The following UBE2V1 variants were observed in gnomAD, a reference collection of about 807,000 sequenced individuals.
UBE2V1 encodes ubiquitin conjugating enzyme E2 V1, also known as ubiquitin-conjugating enzyme E2 variant 1.
In UBE2V1, 15 loss-of-function variants were observed where a neutral mutation model predicts 19.6. That is an observed-to-expected ratio of 0.77 (90% confidence interval 0.51 to 1.18). UBE2V1 has a LOEUF of 1.18. Ranked by LOEUF, UBE2V1 falls within the 50% of genes most tolerant of loss-of-function variation. The pLI, the probability that UBE2V1 is intolerant of heterozygous loss-of-function variation, is 0.00. For synonymous variants in UBE2V1, 60 were observed against 60.7 expected, an observed-to-expected ratio of 0.99 and a Z score of 0.05; for missense variants, 125 against 184.8, an observed-to-expected ratio of 0.68 and a Z score of 1.88.
At position 50,081,677 on chromosome 20, in the gene UBE2V1, A is replaced by C. The variant is rs1373645674; in HGVS notation, c.*1091T>G. On this transcript the variant is annotated 3_prime_UTR_variant, in exon 4 of 4. Transcript: ENST00000371674. ...TGTTTAAAACTTCTTCAATTTTTAA[A>C]AGCAAAAGCAGTTACAGGAAAGTAA... 5.3e-6 allele frequency: 1 copy of C among 188,036 alleles called. No individual in the cohort carries two copies. Among genetic ancestry groups the C allele is most frequent in the Non-Finnish European group, 1.1e-5 (1 of 91,584 alleles). The allele number at this position is 188,036 out of a possible 1,614,324, so 11.6% of individuals were successfully genotyped here.
At chr20:50,113,174 C>G (rs761214), upstream of UBE2V1, 233 of 1,248,206 alleles carry the variant, frequency 1.9e-4, no homozygotes, top group South Asian at 4.0e-4. Context: ...TCACCCCCCC[C>G]TTACCCGTCC....
chr20:50,083,937 C>T, intron 3 of UBE2V1, 192 bp downstream of exon 3: 1 of 796,288 alleles, frequency 1.3e-6, no homozygotes, highest in Non-Finnish European at 1.9e-6. Context: ...AGGGTAAGTG[C>T]TATATGAGTG....
Position 50,082,730 on chromosome 20 carries a change from TG to T in UBE2V1, c.*37del. On this transcript the variant is annotated 3_prime_UTR_variant, in exon 4 of 4. Transcript: ENST00000371674. ...AAAATGAAGACTGATTAAATCGAATTGGGGGGAAGGGGAAGGGCCTGTGGTT... is the reference window on the plus strand; with the variant it reads ...AAAATGAAGACTGATTAAATCGAATTGGGGGAAGGGGAAGGGCCTGTGGTT... The T allele has an allele frequency of 6.3e-7, 1 of 1,597,318 alleles. No homozygotes were observed. The highest frequency in any genetic ancestry group is 8.5e-7 in the Non-Finnish European group (1 of 1,177,134).
chr20:50,094,407 T>C (rs901744760), intron 2 of UBE2V1, among the ~76,000 whole-genome samples: 1 of 150,086 alleles, frequency 6.7e-6, no homozygotes, highest in Non-Finnish European at 1.5e-5. Flanking sequence ...AAAATATATG[T>C]CCACATACAA....
In UBE2V1 at chr20:50,092,200, T is replaced by C. The variant is rs189761651; in HGVS notation, c.171+4472A>G. Among the ~76,000 whole-genome samples the C allele has an allele frequency of 3.9e-5, 6 of 152,188 alleles. No homozygotes were observed. The East Asian group carries it at 9.7e-4, about 25-fold the overall frequency. ...AGCCGGGTGTGGTGGTATGTGCCTATAACCCCAGCGACTAGGGAGGCTGAG... is the reference window on the plus strand; with the variant it reads ...AGCCGGGTGTGGTGGTATGTGCCTACAACCCCAGCGACTAGGGAGGCTGAG... On this transcript the variant is annotated intron_variant, in intron 2 of 3. Transcript: ENST00000371674.
chr20:50,104,244 G>T (rs6020267), intron 1 of UBE2V1: 252,987 of 928,164 alleles, frequency 0.27, 36,251 homozygotes, highest in African/African-American at 0.51. Flanking sequence ...ATCGCGCCAC[G>T]GCACTCCAGC....
upstream of UBE2V1, chr20:50,115,375 C>T (rs866539594): frequency 7.3e-7 from 1 of 1,369,276 alleles, no homozygotes; most frequent in Middle Eastern, 2.2e-4. Context: ...TCGTGTATCA[C>T]GTGATACAAG....
chr20:50,095,277 T>A (rs988867035), intron 2 of UBE2V1: 1 of 152,222 alleles, frequency 6.6e-6, no homozygotes, highest in Admixed American at 6.5e-5. Context: ...GTGAAGAAGA[T>A]GTCAGCATAT....
intron 1 of UBE2V1, among the ~76,000 whole-genome samples, chr20:50,106,848 A>C (rs6125904): frequency 0.31 from 39,646 of 128,174 alleles, 5,551 homozygotes; most frequent in Middle Eastern, 0.4. Context: ...AACCAAAAAC[A>C]ACAACAACAA....
intron 2 of UBE2V1, chr20:50,096,367 AT>A (rs1440319226): frequency 2.3e-6 from 1 of 434,624 alleles, no homozygotes; most frequent in Non-Finnish European, 4.0e-6. Context: ...GGGCCTAGTT[AT>A]TTGGTTAGCC....
At chr20:50,113,519 G>A (rs1022404840), upstream of UBE2V1, among the ~76,000 whole-genome samples, 2 of 152,200 alleles carry the variant, frequency 1.3e-5, no homozygotes, top group Admixed American at 6.5e-5. Context: ...ATCTCCGCAA[G>A]GTCAGAATTA....
At chr20:50,095,996 T>A (rs2079595921) in intron 2 of UBE2V1, 2 of 152,432 alleles carry the variant, frequency 1.3e-5, no homozygotes, top group South Asian at 4.1e-4. Context: ...GGAATGCAAT[T>A]GCACCTAACA....
intron 2 of UBE2V1, 88 bp from the exon 3 acceptor site, chr20:50,084,342 T>A: frequency 6.2e-7 from 1 of 1,602,014 alleles, no homozygotes; most frequent in Non-Finnish European, 8.5e-7. Context: ...TATCCCTGAC[T>A]GTAGAACTGG....
intron 1 of UBE2V1, among the ~76,000 whole-genome samples, chr20:50,105,431 C>T (rs916363991): frequency 4.6e-5 from 7 of 152,178 alleles, no homozygotes; most frequent in Non-Finnish European, 1.0e-4. Context: ...TTAAACAAAA[C>T]ATTTTAGTGA....
upstream of UBE2V1, chr20:50,115,402 C>A: frequency 7.2e-7 from 1 of 1,389,024 alleles, no homozygotes; most frequent in Non-Finnish European, 9.5e-7. Context: ...TTGGGGAGCA[C>A]AGAAAATACT....
At position 50,104,509 on chromosome 20, in the gene UBE2V1, T is replaced by C. The variant is rs550536734; in HGVS notation, c.23-7689A>G. On this transcript the variant is annotated intron_variant, in intron 1 of 3. Coordinates refer to ENST00000371674, the MANE Select transcript of UBE2V1 (RefSeq NM_001032288.3). ...CGTCTCTACTAAAAATACAAAAAATTAGCCGGGCAAGGTGGCGGCTGCCTG... is the reference window on the plus strand; with the variant it reads ...CGTCTCTACTAAAAATACAAAAAATCAGCCGGGCAAGGTGGCGGCTGCCTG... The C allele has an allele frequency of 4.7e-5, 13 of 274,510 alleles. No homozygotes were observed. The East Asian group carries it at 2.4e-3, about 51-fold the overall frequency. 17.0% of individuals were successfully genotyped at this position (274,510 alleles called of 1,614,324 possible). A position where few individuals can be genotyped will look rare whatever the true frequency, so the allele number is the denominator to read the frequency against.
intron 2 of UBE2V1, among the ~76,000 whole-genome samples, chr20:50,090,380 C>T (rs536689475): frequency 1.3e-4 from 19 of 150,680 alleles, no homozygotes; most frequent in South Asian, 8.3e-4. Flanking sequence ...TCCTGCCAGT[C>T]GGAGAATTGC....
At chr20:50,111,207 A>G in intron 1 of UBE2V1, 5 of 977,258 alleles carry the variant, frequency 5.1e-6, no homozygotes, top group Non-Finnish European at 6.1e-6. Flanking sequence ...ATGTTATCTA[A>G]ACCATGCCAA....
chr20:50,082,974 C>A, intron 3 of UBE2V1, 60 bp from the exon 4 acceptor site: 1 of 1,589,446 alleles, frequency 6.3e-7, no homozygotes, highest in South Asian at 1.1e-5. Flanking sequence ...TAGCTATATG[C>A]CGGGGTTAAG....
Sources: allele counts gnomAD v4.1 joint callset (sites outside exome capture counted in the v4.1 genomes callset), GRCh38; gene constraint gnomAD v4.1.1; transcripts MANE v1.5; gene names NCBI Gene and HGNC (gene_info 2026-07-23, HGNC 2026-07-21).